The following PCDHGA6 variants were observed in gnomAD, a reference collection of about 807,000 sequenced individuals.
The protein encoded by PCDHGA6 is protocadherin gamma-A6.
In PCDHGA6, 41 loss-of-function variants were observed where a neutral mutation model predicts 60.6. The ratio of observed to expected loss-of-function variants is 0.68; its 90% CI spans 0.53 to 0.88. The LOEUF is 0.88. PCDHGA6 is among the 40% of genes least tolerant of loss of function. The pLI is 0.00. For synonymous variants in PCDHGA6, 594 were observed against 524.4 expected (o/e 1.13, Z -1.81); for missense variants, 1,312 against 1,203.0 (o/e 1.09, Z -1.34).
At chr5:141,459,156 T>C (rs920698328) in intron 1 of PCDHGA6, among the ~76,000 whole-genome samples, 1 of 152,188 alleles carries the variant, frequency 6.6e-6, no homozygotes, top group Non-Finnish European at 1.5e-5. Flanking sequence ...ATATAGAACA[T>C]TTCTATAACC....
intron 1 of PCDHGA6, chr5:141,382,884 G>C: frequency 6.5e-7 from 1 of 1,529,218 alleles, no homozygotes; most frequent in South Asian, 1.3e-5. Flanking sequence ...GCCTAAGCAA[G>C]AGAAGCAGGA....
At chr5:141,387,211 C>T (rs184165131) in intron 1 of PCDHGA6, among the ~76,000 whole-genome samples, 35 of 152,068 alleles carry the variant, frequency 2.3e-4, no homozygotes, top group African/African-American at 7.7e-4. Flanking sequence ...TGATACTCTC[C>T]GGAAAAAGTT....
intron 1 of PCDHGA6, among the ~76,000 whole-genome samples, chr5:141,454,859 G>A (rs2098805080): frequency 7.9e-6 from 1 of 126,982 alleles, no homozygotes; most frequent in African/African-American, 3.1e-5. Flanking sequence ...CCAGGCTGGA[G>A]TGCAGTGGCA....
chr5:141,377,296 T>A (rs555068589), intron 1 of PCDHGA6: 1 of 152,208 alleles, frequency 6.6e-6, no homozygotes, highest in Non-Finnish European at 1.5e-5. Flanking sequence ...TTAATTTAGG[T>A]CAGTGTTAAA....
rs1561589443 is a variant in PCDHGA6, at chr5:141,381,835, T to TCTTCTTC, written c.2424+5328_2424+5329insCTTCTTC. Reference sequence around the variant, plus strand: ...TTCTTTCTTTCTTCTTCTTTTTTTTTTTTTTTTTTTTTTGGCAGAGTTTTG... The same window carrying TCTTCTTC: ...TTCTTTCTTTCTTCTTCTTTTTTTTTCTTCTTCTTTTTTTTTTTTTGGCAGAGTTTTG... On this transcript the variant is annotated intron_variant, in intron 1 of 3. Coordinates refer to ENST00000517434, the MANE Select transcript of PCDHGA6 (RefSeq NM_018919.3). 3.4e-3 allele frequency among the ~76,000 whole-genome samples: 481 copies of TCTTCTTC among 141,024 alleles called. 2 individuals carry two copies. Among genetic ancestry groups the TCTTCTTC allele is most frequent in the African/African-American group, 0.012 (438 of 36,478 alleles). The allele number at this position is 141,024 out of a possible 152,430, so 92.5% of individuals were successfully genotyped here. A position where few individuals can be genotyped will look rare whatever the true frequency, so the allele number is the denominator to read the frequency against.
At chr5:141,448,639 T>C (rs1248697237) in intron 1 of PCDHGA6, among the ~76,000 whole-genome samples, 1 of 152,148 alleles carries the variant, frequency 6.6e-6, no homozygotes, top group Non-Finnish European at 1.5e-5. Context: ...CATTATATCC[T>C]TTAAAAATAT....
chr5:141,404,411 G>A, intron 1 of PCDHGA6: 1 of 1,613,854 alleles, frequency 6.2e-7, no homozygotes, highest in Non-Finnish European at 8.5e-7. Flanking sequence ...GAATTCTAGA[G>A]TTATTTACTC....
chr5:141,402,704 T>C (rs1237933133), intron 1 of PCDHGA6, among the ~76,000 whole-genome samples: 1 of 152,216 alleles, frequency 6.6e-6, no homozygotes, highest in East Asian at 1.9e-4. Flanking sequence ...TCAGTGGGTG[T>C]AGTAACGGCT....
In PCDHGA6 at chr5:141,486,709, C is replaced by G. The variant is rs1485764871; in HGVS notation, c.2425-8098C>G. ...CTTCCTCTTTCATCTCTCTGAACCC[C>G]CAGACAGGAGCTGTTCATGCTACTC... On this transcript the variant is annotated intron_variant, in intron 1 of 3. Coordinates refer to ENST00000517434, the MANE Select transcript of PCDHGA6 (RefSeq NM_018919.3). The surrounding 1 kb of genome is among the most constrained non-coding windows in gnomAD (Gnocchi z 5.0). 1 of 1,614,182 alleles carries G rather than the reference C, an allele frequency of 6.2e-7. No individual in the cohort carries two copies. Among genetic ancestry groups the G allele is most frequent in the Middle Eastern group, 1.6e-4 (1 of 6,062 alleles).
intron 1 of PCDHGA6, chr5:141,421,009 T>G (rs948913987): frequency 1.9e-6 from 1 of 515,496 alleles, no homozygotes. Context: ...AATCAGGGAA[T>G]GGGAAGCTGC....
intron 2 of PCDHGA6, among the ~76,000 whole-genome samples, chr5:141,499,576 G>C (rs2099792836): frequency 1.3e-5 from 2 of 151,790 alleles, no homozygotes; most frequent in Non-Finnish European, 2.9e-5. Context: ...TTCAACTAAT[G>C]CCTTATCTTG....
Position 141,490,179 on chromosome 5 carries a change from A to G in PCDHGA6, c.2425-4628A>G. On this transcript the variant is annotated intron_variant, in intron 1 of 3. Transcript: ENST00000517434. This position sits in a 1 kb window ranked among gnomAD's most constrained non-coding sequence, Gnocchi z 5.4. Reference sequence around the variant, plus strand: ...TGGGTCCCATAGACTTTGAGGAGTCACGTTTCTATGAAATTCATGCAAGAG... The same window carrying G: ...TGGGTCCCATAGACTTTGAGGAGTCGCGTTTCTATGAAATTCATGCAAGAG... 1 of 1,614,202 alleles carries G rather than the reference A, an allele frequency of 6.2e-7. No individual in the cohort carries two copies. Among genetic ancestry groups the G allele is most frequent in the East Asian group, 2.2e-5 (1 of 44,882 alleles).
In PCDHGA6 at chr5:141,490,072, G is replaced by A; in HGVS notation, c.2425-4735G>A. On this transcript the variant is annotated intron_variant, in intron 1 of 3. Transcript: ENST00000517434. This position sits in a 1 kb window ranked among gnomAD's most constrained non-coding sequence, Gnocchi z 5.4. ...AGACGAGGGCACCAACGGCCAACTA[G>A]ACTATTCTTTTGGAGACCACACATC... is the stretch of plus-strand genomic sequence containing the variant. The A allele has an allele frequency of 6.2e-7, 1 of 1,614,254 alleles. No homozygotes were observed. The highest frequency in any genetic ancestry group is 8.5e-7 in the Non-Finnish European group (1 of 1,180,042).
chr5:141,445,341 A>G (rs1165606147), intron 1 of PCDHGA6, among the ~76,000 whole-genome samples: 2 of 152,218 alleles, frequency 1.3e-5, no homozygotes, highest in African/African-American at 4.8e-5. Context: ...AACAGTAAAC[A>G]TTGGTGTCTG....
intron 1 of PCDHGA6, among the ~76,000 whole-genome samples, chr5:141,452,103 TTTCTC>T (rs1428635203): frequency 1.3e-5 from 2 of 152,186 alleles, no homozygotes; most frequent in African/African-American, 4.8e-5. Context: ...AGAGCTTTCT[TTTCTC>T]TTCTTATTTA....
At position 141,432,727 on chromosome 5, in the gene PCDHGA6, C is replaced by T; in HGVS notation, c.2424+56220C>T. 6.2e-7 allele frequency: 1 copy of T among 1,614,090 alleles called. No individual in the cohort carries two copies. Among genetic ancestry groups the T allele is most frequent in the Non-Finnish European group, 8.5e-7 (1 of 1,179,996 alleles). ...ACCACGGCCAGCCCCCTCTCTCCGC[C>T]ACTGTCACGCTCACCGTGGCCGTGG... On this transcript the variant is annotated intron_variant, in intron 1 of 3. Transcript: ENST00000517434. The surrounding 1 kb of genome is among the most constrained non-coding windows in gnomAD (Gnocchi z 6.0).
At chr5:141,483,918 T>G (rs2099588800) in intron 1 of PCDHGA6, among the ~76,000 whole-genome samples, 1 of 150,512 alleles carries the variant, frequency 6.6e-6, no homozygotes, top group Non-Finnish European at 1.5e-5. Flanking sequence ...CCACTCAGAT[T>G]GCAGGTCGTA....
In PCDHGA6 at chr5:141,491,729, C is replaced by T. The variant is rs766649819; in HGVS notation, c.2425-3078C>T. On this transcript the variant is annotated intron_variant, in intron 1 of 3. Coordinates refer to ENST00000517434, the MANE Select transcript of PCDHGA6 (RefSeq NM_018919.3). This position sits in a 1 kb window ranked among gnomAD's most constrained non-coding sequence, Gnocchi z 6.9. ...AGGGGCTCGGCGCCGCCCCGGGCGA[C>T]CCCTGGGGGCGGCACTGGAGAAGCC... 6.1e-5 allele frequency: 98 copies of T among 1,603,832 alleles called. No homozygotes were observed. Among genetic ancestry groups the T allele is most frequent in the Non-Finnish European group, 7.9e-5 (93 of 1,175,848 alleles).
chr5:141,388,525 C>T (rs780990884), intron 1 of PCDHGA6: 2 of 1,613,854 alleles, frequency 1.2e-6, no homozygotes, highest in Non-Finnish European at 8.5e-7. Flanking sequence ...ACTTTGACTG[C>T]CTTGGACTTT....
Sources: gnomAD v4.1 joint callset for allele counts (sites outside exome capture counted in the v4.1 genomes callset) on GRCh38, gnomAD v4.1.1 for gene constraint, Gnocchi (gnomAD v3.1) non-coding constraint, MANE v1.5 for transcripts, NCBI Gene and HGNC (gene_info 2026-07-23, HGNC 2026-07-21) for gene names.